Variants in RALGAPA1 observed in about 807,000 individuals in gnomAD.
The protein encoded by RALGAPA1 is ral GTPase-activating protein subunit alpha-1.
A neutral mutation model predicts 269.6 loss-of-function variants in RALGAPA1; 52 were observed. That is an observed-to-expected ratio of 0.19 (90% CI 0.15 to 0.24). The LOEUF (loss-of-function observed/expected upper bound fraction) is 0.24, where lower values mean the gene tolerates loss of function less well. RALGAPA1 is among the 10% of genes least tolerant of loss of function. The pLI is 1.00. For missense variants in RALGAPA1, 1,917 were observed against 3,013.9 expected (o/e 0.64, Z 8.52); for synonymous variants, 817 against 1,008.3 (o/e 0.81, Z 3.60).
At chr14:35,656,764 G>C (rs2063200765) in intron 28 of RALGAPA1, among the ~76,000 whole-genome samples, 1 of 152,094 alleles carries the variant, frequency 6.6e-6, no homozygotes. Flanking sequence ...AGAGTGTTAA[G>C]GCTACCAAAC....
At chr14:35,563,020 CAAAAAAAAAAAAAAAA>C (rs71445944) in intron 39 of RALGAPA1, among the ~76,000 whole-genome samples, 1 of 37,234 alleles carries the variant, frequency 2.7e-5, no homozygotes, top group Non-Finnish European at 4.9e-5. Flanking sequence ...GAGTCCGTCT[CAAAAAAAAAAAAAAAA>C]AAAAAAAAAA....
intron 17 of RALGAPA1, among the ~76,000 whole-genome samples, chr14:35,692,739 C>A (rs1207566711): frequency 6.6e-6 from 1 of 151,636 alleles, no homozygotes; most frequent in African/African-American, 2.4e-5. Flanking sequence ...GACAGGAAAC[C>A]AACTTTATGC....
chr14:35,601,835 G>T (rs1483339856), intron 36 of RALGAPA1, among the ~76,000 whole-genome samples: 1 of 152,132 alleles, frequency 6.6e-6, no homozygotes, highest in African/African-American at 2.4e-5. Flanking sequence ...GACTTTCCCA[G>T]AAGTGGAAAT....
intron 1 of RALGAPA1, among the ~76,000 whole-genome samples, chr14:35,783,982 C>T (rs2075629239): frequency 6.6e-6 from 1 of 152,046 alleles, no homozygotes; most frequent in African/African-American, 2.4e-5. Flanking sequence ...GATGAAGCCA[C>T]TCTGGAAAAC....
At chr14:35,600,860 G>A (rs1156671807) in intron 36 of RALGAPA1, among the ~76,000 whole-genome samples, 1 of 151,950 alleles carries the variant, frequency 6.6e-6, no homozygotes, top group Non-Finnish European at 1.5e-5. Context: ...TCCTGGTTCT[G>A]GATATGATGT....
At chr14:35,559,928 AT>A (rs1407770796) in intron 39 of RALGAPA1, among the ~76,000 whole-genome samples, 1 of 152,246 alleles carries the variant, frequency 6.6e-6, no homozygotes, top group Non-Finnish European at 1.5e-5. Context: ...AAAATCTCAG[AT>A]GCTCTTTTAA....
intron 16 of RALGAPA1, among the ~76,000 whole-genome samples, chr14:35,703,010 TAA>T (rs2067499093): frequency 6.6e-6 from 1 of 152,222 alleles, no homozygotes; most frequent in South Asian, 2.1e-4. Context: ...AGATAAATTA[TAA>T]GTTTTTCTTT....
In RALGAPA1 at chr14:35,686,668, TA is replaced by T; in HGVS notation, c.3953-3del. The stretch of plus-strand genomic sequence containing the variant: ...TTTGGCTCATGTCCTCTTTATTGAC[TA>T]AAAATAAATAAATAACTATATATAG... On this transcript the variant is annotated splice_polypyrimidine_tract_variant and splice_region_variant and intron_variant, in intron 18 of 41. Coordinates refer to ENST00000680220, the MANE Select transcript of RALGAPA1 (RefSeq NM_001346249.2). The T allele has an allele frequency of 1.3e-6, 2 of 1,500,246 alleles. No homozygotes were observed. Among genetic ancestry groups the T allele is most frequent in the Non-Finnish European group, 1.8e-6 (2 of 1,102,384 alleles). The allele number at this position is 1,500,246 out of a possible 1,614,324, so 92.9% of individuals were successfully genotyped here.
At chr14:35,779,298 G>T (rs1317755114) in intron 1 of RALGAPA1, among the ~76,000 whole-genome samples, 1 of 152,114 alleles carries the variant, frequency 6.6e-6, no homozygotes, top group Non-Finnish European at 1.5e-5. Context: ...GGCTGAAGTG[G>T]GAGGGTTGTT....
intron 16 of RALGAPA1, among the ~76,000 whole-genome samples, chr14:35,706,458 G>A (rs571373911): frequency 8.3e-4 from 126 of 152,026 alleles, no homozygotes; most frequent in African/African-American, 2.8e-3. Context: ...GGGTCTTTCT[G>A]GAATCTCTAT....
At chr14:35,585,554 C>G (rs2058224702) in intron 37 of RALGAPA1, among the ~76,000 whole-genome samples, 1 of 152,166 alleles carries the variant, frequency 6.6e-6, no homozygotes, top group African/African-American at 2.4e-5. Context: ...TGAACTTATT[C>G]TCTAATAAAT....
At chr14:35,645,818 G>A (rs144015796) in intron 31 of RALGAPA1, among the ~76,000 whole-genome samples, 60 of 152,132 alleles carry the variant, frequency 3.9e-4, no homozygotes, top group African/African-American at 1.4e-3. Flanking sequence ...GCCACTTAAC[G>A]GAAGCAGGGT....
chr14:35,796,969 A>G (rs1214033775), intron 1 of RALGAPA1, among the ~76,000 whole-genome samples: 3 of 151,898 alleles, frequency 2.0e-5, no homozygotes, highest in African/African-American at 7.2e-5. Context: ...TTGTATCTTT[A>G]GTAGAGACAG....
intron 13 of RALGAPA1, among the ~76,000 whole-genome samples, chr14:35,727,842 A>C (rs2070111697): frequency 6.6e-6 from 1 of 152,170 alleles, no homozygotes; most frequent in African/African-American, 2.4e-5. Context: ...AAAACAGCAG[A>C]ATTAGACATT....
chr14:35,627,966 T>C lies in RALGAPA1; in HGVS notation c.5996-15A>G, dbSNP rs370914410. 6 of 1,539,846 alleles carry C rather than the reference T, an allele frequency of 3.9e-6. No individual in the cohort carries two copies. The highest frequency in any genetic ancestry group is 4.4e-6 in the Non-Finnish European group (5 of 1,143,914). ...TTGAGTTTTCACTGGAAATAAAAAA[T>C]ATAAATGAATGGGAATATTGCTGCT... On this transcript the variant is annotated splice_polypyrimidine_tract_variant and intron_variant, in intron 33 of 41. Coordinates refer to ENST00000680220, the MANE Select transcript of RALGAPA1 (RefSeq NM_001346249.2).
At chr14:35,684,758 C>A (rs2065769074) in intron 20 of RALGAPA1, among the ~76,000 whole-genome samples, 171 bp downstream of exon 20, 1 of 152,094 alleles carries the variant, frequency 6.6e-6, no homozygotes, top group Non-Finnish European at 1.5e-5. Flanking sequence ...GAGTTCAAGA[C>A]TAGCCCAGAC....
intron 1 of RALGAPA1, among the ~76,000 whole-genome samples, chr14:35,782,913 C>T (rs1365158464): frequency 6.6e-6 from 1 of 151,876 alleles, no homozygotes; most frequent in African/African-American, 2.4e-5. Flanking sequence ...CCTCAACCTC[C>T]CAGACTCAAG....
chr14:35,658,839 G>A (rs1490806144), intron 28 of RALGAPA1, among the ~76,000 whole-genome samples: 1 of 151,602 alleles, frequency 6.6e-6, no homozygotes, highest in Non-Finnish European at 1.5e-5. Flanking sequence ...AAAAGACATT[G>A]ACAAATATAA....
At chr14:35,645,769 C>T (rs942694952) in intron 31 of RALGAPA1, among the ~76,000 whole-genome samples, 1 of 151,248 alleles carries the variant, frequency 6.6e-6, no homozygotes, top group Non-Finnish European at 1.5e-5. Flanking sequence ...TAGCAATGTG[C>T]ATGCCTAGTT....
Sources: gnomAD v4.1 joint callset for allele counts (sites outside exome capture counted in the v4.1 genomes callset) on GRCh38, gnomAD v4.1.1 for gene constraint, MANE v1.5 for transcripts, NCBI Gene and HGNC (gene_info 2026-07-23, HGNC 2026-07-21) for gene names.